The following SLC4A8 variants were observed in gnomAD, a reference collection of about 807,000 sequenced individuals.
SLC4A8 encodes solute carrier family 4 member 8, also known as electroneutral sodium bicarbonate exchanger 1.
Under a neutral mutation model 125.0 loss-of-function variants are expected in SLC4A8, and 40 were observed. That is an observed-to-expected ratio of 0.32 (90% CI 0.25 to 0.42). The LOEUF is 0.42. Ranked by LOEUF, SLC4A8 falls within the 10% of genes least tolerant of loss-of-function variation. The probability of loss-of-function intolerance (pLI) is 1.00; values close to 1 mark genes in which losing one functional copy is unlikely to be tolerated. For synonymous variants in SLC4A8, 456 were observed against 476.0 expected, an observed-to-expected ratio of 0.96 and a Z score of 0.55; for missense variants, 863 against 1,355.1, an observed-to-expected ratio of 0.64 and a Z score of 5.70.
upstream of SLC4A8, among the ~76,000 whole-genome samples, chr12:51,421,686 C>T (rs114843959): frequency 1.1e-4 from 17 of 152,324 alleles, no homozygotes; most frequent in African/African-American, 3.4e-4. Flanking sequence ...TGAATTACCA[C>T]GTTGCTAGAG....
chr12:51,507,219 T>C (rs1328057654), intron 24 of SLC4A8, among the ~76,000 whole-genome samples: 1 of 152,250 alleles, frequency 6.6e-6, no homozygotes, highest in African/African-American at 2.4e-5. Context: ...GAGTGAAATA[T>C]AGAATCTTGT....
intron 1 of SLC4A8, 181 bp downstream of exon 1, chr12:51,425,216 CGA>C (rs1948927738): frequency 5.0e-6 from 7 of 1,397,960 alleles, no homozygotes; most frequent in Middle Eastern, 2.6e-4. Flanking sequence ...GCCAGGGCTG[CGA>C]GAGAGTGACC....
At chr12:51,426,551 ATC>A (rs1948987984) in intron 1 of SLC4A8, among the ~76,000 whole-genome samples, 1 of 152,198 alleles carries the variant, frequency 6.6e-6, no homozygotes, top group Admixed American at 6.5e-5. Context: ...AAGGAAGAAA[ATC>A]TGGGCAAAGA....
intron 16 of SLC4A8, among the ~76,000 whole-genome samples, chr12:51,476,207 C>T (rs370723446): frequency 2.6e-5 from 4 of 152,272 alleles, no homozygotes; most frequent in East Asian, 1.9e-4. Flanking sequence ...TCATGCTGGG[C>T]GTGGTGGCTC....
upstream of SLC4A8, among the ~76,000 whole-genome samples, chr12:51,424,056 A>AC (rs1948871981): frequency 1.7e-5 from 1 of 58,786 alleles, no homozygotes; most frequent in Non-Finnish European, 3.7e-5. Context: ...AAAAAAAACA[A>AC]AAAAAACAAC....
chr12:51,440,455 CTTTTATGACA>C (rs1949559091), intron 1 of SLC4A8, among the ~76,000 whole-genome samples: 1 of 151,218 alleles, frequency 6.6e-6, no homozygotes, highest in African/African-American at 2.4e-5. Flanking sequence ...CTAGCTCCGC[CTTTTATGACA>C]TTTGTGACCC....
chr12:51,455,270 T>TTAAA, intron 5 of SLC4A8, among the ~76,000 whole-genome samples: 1 of 149,826 alleles, frequency 6.7e-6, no homozygotes, highest in African/African-American at 2.5e-5. Context: ...ACCCTGTCTC[T>TTAAA]TAAAAAAAAA....
chr12:51,455,092 C>G (rs1162027431), intron 5 of SLC4A8, among the ~76,000 whole-genome samples: 2 of 134,874 alleles, frequency 1.5e-5, no homozygotes, highest in African/African-American at 5.7e-5. Context: ...TGAGTTGACA[C>G]AGCACACGTT....
chr12:51,403,073 G>A, intron 1 of SLC4A8: 2 of 320,198 alleles, frequency 6.2e-6, no homozygotes, highest in South Asian at 2.3e-5. Context: ...TTTTTTAAAG[G>A]ACAATTATAT....
At chr12:51,474,957 G>A in intron 15 of SLC4A8, 88 bp from the exon 16 acceptor site, 1 of 1,217,888 alleles carries the variant, frequency 8.2e-7, no homozygotes, top group East Asian at 2.4e-5. Context: ...AACAACCATG[G>A]GATGACAATG....
At chr12:51,416,211 G>GTTTTTTTTTTTTTTTTTTTTT (rs57565585) in intron 1 of SLC4A8, among the ~76,000 whole-genome samples, 1 of 82,536 alleles carries the variant, frequency 1.2e-5, no homozygotes, top group Non-Finnish European at 2.4e-5. Flanking sequence ...GAGGTCTTTT[G>GTTTTTTTTTTTTTTTTTTTTT]TTTTTTTTTT....
intron 2 of SLC4A8, 111 bp from the exon 3 acceptor site, chr12:51,450,765 C>CCAGACCAAAGAACTGTGAT: frequency 8.4e-7 from 1 of 1,192,284 alleles, no homozygotes; most frequent in Non-Finnish European, 1.2e-6. Context: ...AGAGCTGTGA[C>CCAGACCAAAGAACTGTGAT]CAGACCAAAG....
chr12:51,501,404 A>T, intron 22 of SLC4A8, among the ~76,000 whole-genome samples: 1 of 152,092 alleles, frequency 6.6e-6, no homozygotes. Flanking sequence ...GAGAACATGC[A>T]TTATTTGGTT....
At chr12:51,424,037 C>CAA (rs35611847), upstream of SLC4A8, among the ~76,000 whole-genome samples, 534 of 37,958 alleles carry the variant, frequency 0.014, 15 homozygotes, top group African/African-American at 0.03. Context: ...ACTTCGTCTC[C>CAA]AAAAAAAAAA....
At chr12:51,505,963 A>G (rs1344811775) in intron 24 of SLC4A8, 33 bp downstream of exon 24, 2 of 1,020,246 alleles carry the variant, frequency 2.0e-6, no homozygotes, top group Non-Finnish European at 3.0e-6. Context: ...GTTTTTATTT[A>G]TTTCTGGCTT....
At chr12:51,486,873 G>T (rs1425771156) in intron 17 of SLC4A8, among the ~76,000 whole-genome samples, 3 of 152,184 alleles carry the variant, frequency 2.0e-5, no homozygotes, top group African/African-American at 7.2e-5. Context: ...CCACCAGTTG[G>T]AAGTTTATGG....
intron 16 of SLC4A8, among the ~76,000 whole-genome samples, chr12:51,477,764 A>G (rs1163442525): frequency 6.6e-6 from 1 of 152,036 alleles, no homozygotes; most frequent in African/African-American, 2.4e-5. Flanking sequence ...CCATTTTTCC[A>G]TGTATCGCCT....
At position 51,489,707 on chromosome 12, in the gene SLC4A8, G is replaced by A. The variant is rs1951258610; in HGVS notation, c.2456G>A (p.Cys819Tyr). Residue 819 changes from cysteine (C) to tyrosine (Y), a missense_variant, in exon 19 of 25, where the codon TGT (cysteine) becomes TAT (tyrosine). By Grantham distance (194) the Cys-to-Tyr change is radical. Coordinates refer to ENST00000453097, the MANE Select transcript of SLC4A8 (RefSeq NM_001039960.3). The stretch of plus-strand genomic sequence containing the variant: ...GACTCTGTTTCCCCACAGAAAGGCT[G>A]TGGCTACCACCTGGACCTACTGATG... The part of the protein sequence containing the change: ...NRKEHKLKKG[C>Y]GYHLDLLMVA... 1 of 1,614,158 alleles carries A rather than the reference G, an allele frequency of 6.2e-7. No individual in the cohort carries two copies. Among genetic ancestry groups the A allele is most frequent in the Non-Finnish European group, 8.5e-7 (1 of 1,180,016 alleles).
chr12:51,396,889 A>G (rs1948273285), intron 1 of SLC4A8, among the ~76,000 whole-genome samples: 1 of 151,118 alleles, frequency 6.6e-6, no homozygotes, highest in African/African-American at 2.4e-5. Context: ...TTGTTCCAAA[A>G]TGGAATTTAT....
Sources: gnomAD v4.1 joint callset for allele counts (sites outside exome capture counted in the v4.1 genomes callset) on GRCh38, gnomAD v4.1.1 for gene constraint, MANE v1.5 for transcripts, NCBI Gene and HGNC (gene_info 2026-07-23, HGNC 2026-07-21) for gene names.